PYGO1: variants seen among roughly 807,000 people sequenced by gnomAD.
PYGO1 encodes pygopus homolog 1.
A neutral mutation model predicts 29.5 loss-of-function variants in PYGO1; 6 were observed. The ratio of observed to expected loss-of-function variants is 0.20; its 90% CI spans 0.11 to 0.40. The LOEUF (loss-of-function observed/expected upper bound fraction) is 0.40. Among genes scored for constraint, PYGO1 ranks in the 10% least tolerant of loss-of-function variants. The pLI, the probability that PYGO1 is intolerant of heterozygous loss-of-function variation, is 1.00. For missense variants in PYGO1, 515 were observed against 514.9 expected, an observed-to-expected ratio of 1.00 and a Z score of 0.00; for synonymous variants, 186 against 180.5, an observed-to-expected ratio of 1.03 and a Z score of -0.24.
At chr15:55,576,320 G>C (rs536313646) in intron 1 of PYGO1, among the ~76,000 whole-genome samples, 6 of 149,682 alleles carry the variant, frequency 4.0e-5, no homozygotes, top group Admixed American at 2.7e-4. Flanking sequence ...GCCGGGCGTA[G>C]TGGCGGGCGC....
intron 1 of PYGO1, among the ~76,000 whole-genome samples, chr15:55,549,287 C>G (rs1307933260): frequency 1.3e-5 from 2 of 152,110 alleles, no homozygotes; most frequent in Non-Finnish European, 2.9e-5. Flanking sequence ...ACCACTATTA[C>G]TAGTTTCTGG....
chr15:55,577,826 C>T (rs1198048983), intron 1 of PYGO1, among the ~76,000 whole-genome samples: 1 of 141,840 alleles, frequency 7.1e-6, no homozygotes, highest in East Asian at 2.2e-4. Flanking sequence ...AGTGCAGTGG[C>T]ACAATCTTGG....
At chr15:55,578,504 C>G (rs1386906479) in intron 1 of PYGO1, among the ~76,000 whole-genome samples, 2 of 152,136 alleles carry the variant, frequency 1.3e-5, no homozygotes, top group African/African-American at 4.8e-5. Flanking sequence ...AATCCACATC[C>G]TCACCAACAT....
rs2058844196 is a variant in PYGO1 at position 55,545,163 on chromosome 15, A to G, written c.*860T>C. On this transcript the variant is annotated 3_prime_UTR_variant, in exon 3 of 3. Coordinates refer to ENST00000563719, the MANE Select transcript of PYGO1 (RefSeq NM_001367806.1). Reference sequence around the variant, plus strand: ...TGTTTCTACCTTCCTCATCTGCAATATGTCCCAGTTCAAAATTATAAAAAA... The same window carrying G: ...TGTTTCTACCTTCCTCATCTGCAATGTGTCCCAGTTCAAAATTATAAAAAA... The G allele has an allele frequency of 6.6e-6, 1 of 152,180 alleles. No individual in the cohort carries two copies. The highest frequency in any genetic ancestry group is 1.5e-5 in the Non-Finnish European group (1 of 68,022). The allele number at this position is 152,180 out of a possible 1,614,324, so 9.4% of individuals were successfully genotyped here.
At chr15:55,587,666 C>T (rs1364631427) in intron 1 of PYGO1, among the ~76,000 whole-genome samples, 169 bp downstream of exon 1, 2 of 151,848 alleles carry the variant, frequency 1.3e-5, no homozygotes, top group Non-Finnish European at 2.9e-5. Context: ...GGCCAGCGGG[C>T]GCCCGGGCCG....
At chr15:55,559,386 T>G (rs1329036258) in intron 1 of PYGO1, among the ~76,000 whole-genome samples, 1 of 152,156 alleles carries the variant, frequency 6.6e-6, no homozygotes. Context: ...TTGGTGGGAC[T>G]GTAAACTAGT....
chr15:55,563,543 G>T (rs961261550), intron 1 of PYGO1, among the ~76,000 whole-genome samples: 2 of 151,922 alleles, frequency 1.3e-5, no homozygotes, highest in African/African-American at 4.8e-5. Context: ...GTAGAGATGG[G>T]GTTTTACCAC....
chr15:55,561,180 C>A (rs374606700), intron 1 of PYGO1, among the ~76,000 whole-genome samples: 31 of 152,200 alleles, frequency 2.0e-4, no homozygotes, highest in African/African-American at 6.7e-4. Context: ...AGAAATAAGA[C>A]CACACACCTA....
intron 1 of PYGO1, among the ~76,000 whole-genome samples, chr15:55,556,957 A>G (rs2058908582): frequency 6.6e-6 from 1 of 152,108 alleles, no homozygotes; most frequent in African/African-American, 2.4e-5. Flanking sequence ...AAGAAACTGA[A>G]TTAAAGAATA....
intron 1 of PYGO1, among the ~76,000 whole-genome samples, chr15:55,565,707 C>T (rs2058953227): frequency 6.6e-6 from 1 of 152,060 alleles, no homozygotes; most frequent in East Asian, 1.9e-4. Context: ...GAGTGAGACT[C>T]CGTCTCCCCC....
At chr15:55,556,865 G>A (rs981611610) in intron 1 of PYGO1, among the ~76,000 whole-genome samples, 3 of 151,574 alleles carry the variant, frequency 2.0e-5, no homozygotes, top group Non-Finnish European at 4.4e-5. Flanking sequence ...AATATTATAA[G>A]CACCTCTATG....
intron 1 of PYGO1, among the ~76,000 whole-genome samples, chr15:55,575,126 C>G (rs966771220): frequency 5.3e-5 from 8 of 152,172 alleles, no homozygotes; most frequent in Non-Finnish European, 1.2e-4. Context: ...GTCTTTCTGA[C>G]TCGAAAGCCT....
At chr15:55,550,802 T>C (rs1258532292) in intron 1 of PYGO1, among the ~76,000 whole-genome samples, 1 of 152,190 alleles carries the variant, frequency 6.6e-6, no homozygotes, top group African/African-American at 2.4e-5. Flanking sequence ...ATTTTGCTGA[T>C]TATATTTGCT....
chr15:55,580,984 G>A (rs1433729308), intron 1 of PYGO1, among the ~76,000 whole-genome samples: 4 of 152,196 alleles, frequency 2.6e-5, no homozygotes, highest in Non-Finnish European at 5.9e-5. Flanking sequence ...CATTTGTTGA[G>A]CTTGTGGAAG....
rs1344776456 is a variant in PYGO1, at chr15:55,542,540, G to A, written c.*3483C>T. ...ATCTTTCACAAGCTGAGCTGTTTCA[G>A]TATTAGTGAATCGAGTAACACCTAG... On this transcript the variant is annotated 3_prime_UTR_variant, in exon 3 of 3. Coordinates refer to ENST00000563719, the MANE Select transcript of PYGO1 (RefSeq NM_001367806.1). The A allele has an allele frequency of 6.6e-6, 1 of 152,200 alleles. No individual in the cohort carries two copies. The highest frequency in any genetic ancestry group is 6.5e-5 in the Admixed American group (1 of 15,274). 9.4% of individuals were successfully genotyped at this position (152,200 alleles called of 1,614,324 possible). A position where few individuals can be genotyped will look rare whatever the true frequency, so the allele number is the denominator to read the frequency against.
intron 1 of PYGO1, among the ~76,000 whole-genome samples, chr15:55,565,636 A>G (rs1336569556): frequency 1.3e-5 from 2 of 151,728 alleles, no homozygotes; most frequent in African/African-American, 2.4e-5. Context: ...AATCGCTTGA[A>G]CCCGGGAGGC....
In PYGO1 at chr15:55,541,337, C is replaced by T. The variant is rs1385070842; in HGVS notation, c.*4686G>A. The T allele has an allele frequency of 6.6e-6, 1 of 152,014 alleles. No individual in the cohort carries two copies. The highest frequency in any genetic ancestry group is 2.4e-5 in the African/African-American group (1 of 41,358). The allele number at this position is 152,014 out of a possible 1,614,324, so 9.4% of individuals were successfully genotyped here. On this transcript the variant is annotated 3_prime_UTR_variant, in exon 3 of 3. Coordinates refer to ENST00000563719, the MANE Select transcript of PYGO1 (RefSeq NM_001367806.1). Reference sequence around the variant, plus strand: ...CTCTACTGGATGGAACAATAAGCTACTAAAAATTAGAAATGAGAAGAAAAT... The same window carrying T: ...CTCTACTGGATGGAACAATAAGCTATTAAAAATTAGAAATGAGAAGAAAAT...
At chr15:55,565,810 G>A (rs1259350891) in intron 1 of PYGO1, among the ~76,000 whole-genome samples, 2 of 152,018 alleles carry the variant, frequency 1.3e-5, no homozygotes, top group Non-Finnish European at 2.9e-5. Context: ...TCTTGAGACA[G>A]TCTCACTCTG....
chr15:55,565,217 C>A (rs938599184), intron 1 of PYGO1, among the ~76,000 whole-genome samples: 2 of 151,980 alleles, frequency 1.3e-5, no homozygotes, highest in African/African-American at 4.8e-5. Flanking sequence ...GAGCATTACA[C>A]AGGGAGGTAC....
Sources: gnomAD v4.1 joint callset for allele counts (sites outside exome capture counted in the v4.1 genomes callset) on GRCh38, gnomAD v4.1.1 for gene constraint, MANE v1.5 for transcripts, NCBI Gene and HGNC (gene_info 2026-07-23, HGNC 2026-07-21) for gene names.